SAP130: variants seen among roughly 807,000 people sequenced by gnomAD.
SAP130 encodes Sin3A associated protein 130.
Under a neutral mutation model 103.2 loss-of-function variants are expected in SAP130, and 16 were observed. That is an observed-to-expected ratio of 0.16 (90% CI 0.10 to 0.24). SAP130 has a LOEUF of 0.24. SAP130 is among the 10% of genes least tolerant of loss of function. The pLI, the probability that SAP130 is intolerant of heterozygous loss-of-function variation, is 1.00. For synonymous variants in SAP130, 477 were observed against 497.0 expected, an observed-to-expected ratio of 0.96 and a Z score of 0.53; for missense variants, 990 against 1,359.7, an observed-to-expected ratio of 0.73 and a Z score of 4.28.
rs1021572874 is a variant in SAP130 at position 127,964,569 on chromosome 2, T to C, written c.2064-9225A>G. On this transcript the variant is annotated intron_variant, in intron 15 of 20. Coordinates refer to ENST00000643581, the MANE Select transcript of SAP130 (RefSeq NM_001330301.2). The stretch of plus-strand genomic sequence containing the variant: ...GCATTATACAGCAGAATCAGTGGGC[T>C]GCAATGAAAGCATTATTTAGAAGAA... Among the ~76,000 whole-genome samples the C allele has an allele frequency of 8.0e-5, 12 of 150,364 alleles. No individual in the cohort carries two copies. In the South Asian group the frequency reaches 2.5e-3, roughly 31 times the overall value.
At chr2:127,984,727 C>T (rs1183491381) in intron 14 of SAP130, among the ~76,000 whole-genome samples, 3 of 152,148 alleles carry the variant, frequency 2.0e-5, no homozygotes, top group Admixed American at 1.3e-4. Context: ...CACACACACA[C>T]GGTGAGTCAC....
intron 14 of SAP130, among the ~76,000 whole-genome samples, chr2:127,979,004 T>C (rs1681670965): frequency 6.6e-6 from 1 of 152,160 alleles, no homozygotes; most frequent in Non-Finnish European, 1.5e-5. Flanking sequence ...AATGTGACCT[T>C]ACTTGAAAAA....
chr2:127,998,395 A>T (rs1274531407), intron 10 of SAP130, among the ~76,000 whole-genome samples: 1 of 152,208 alleles, frequency 6.6e-6, no homozygotes, highest in Non-Finnish European at 1.5e-5. Context: ...TCCTAATAAG[A>T]ATAGCTGAAT....
intron 4 of SAP130, 134 bp from the exon 5 acceptor site, chr2:128,015,048 A>G (rs765209675): frequency 1.7e-5 from 11 of 649,538 alleles, no homozygotes; most frequent in Non-Finnish European, 2.7e-5. Context: ...GGCTAAGGAC[A>G]TTCAGCTTGA....
intron 7 of SAP130, among the ~76,000 whole-genome samples, chr2:128,008,910 C>T (rs545915888): frequency 9.9e-5 from 15 of 152,158 alleles, no homozygotes; most frequent in Middle Eastern, 3.4e-3. Context: ...GTCTCAAACT[C>T]CTGGACTCCG....
At chr2:128,022,094 C>G (rs774645409) in intron 2 of SAP130, among the ~76,000 whole-genome samples, 1 of 152,196 alleles carries the variant, frequency 6.6e-6, no homozygotes, top group African/African-American at 2.4e-5. Context: ...TTCATTCACA[C>G]CCCTTTGCAG....
intron 6 of SAP130, among the ~76,000 whole-genome samples, chr2:128,011,045 C>T (rs955850695): frequency 8.6e-5 from 13 of 151,738 alleles, no homozygotes; most frequent in African/African-American, 2.9e-4. Flanking sequence ...ACTATTGGTA[C>T]CAATGGGATC....
chr2:128,008,872 A>G (rs1318866723), intron 7 of SAP130, among the ~76,000 whole-genome samples: 1 of 151,852 alleles, frequency 6.6e-6, no homozygotes, highest in Non-Finnish European at 1.5e-5. Context: ...TTTTAAAGAG[A>G]TGGGGTCTCC....
chr2:127,957,463 C>G (rs565790224), intron 15 of SAP130, among the ~76,000 whole-genome samples: 1 of 152,024 alleles, frequency 6.6e-6, no homozygotes, highest in Admixed American at 6.6e-5. Flanking sequence ...TCGCTTGAGC[C>G]CAGGAATTTG....
intron 15 of SAP130, among the ~76,000 whole-genome samples, chr2:127,968,844 GTT>G (rs1281850073): frequency 3.3e-5 from 5 of 152,230 alleles, no homozygotes; most frequent in African/African-American, 9.6e-5. Context: ...TATGACTAAC[GTT>G]TTCTCCATTA....
Position 127,993,296 on chromosome 2 carries a change from G to A in SAP130, c.1368C>T (p.Pro456=), listed in dbSNP as rs757818874. The change falls in exon 12 of 21, where the codon CCC becomes CCT. Residue 456 remains proline (P), a synonymous_variant. Coordinates refer to ENST00000643581, the MANE Select transcript of SAP130 (RefSeq NM_001330301.2). ...TTGGCAAAAAATATTGGAACTGAAC[G>A]GGAACAGACGGTCTAGAGACAGAAC... ...ETRSDNRPSV[P]VQFQYFLPTY... 12 of 1,612,380 alleles carry A rather than the reference G, an allele frequency of 7.4e-6. No individual in the cohort carries two copies. Among genetic ancestry groups the A allele is most frequent in the East Asian group, 2.2e-5 (1 of 44,846 alleles).
chr2:127,993,976 T>C (rs1490381650), intron 11 of SAP130, among the ~76,000 whole-genome samples: 2 of 152,066 alleles, frequency 1.3e-5, no homozygotes, highest in Admixed American at 1.3e-4. Flanking sequence ...AACAGGAGAA[T>C]ATGACAAAAG....
chr2:127,942,694 A>G lies in SAP130; in HGVS notation c.2902-157T>C, dbSNP rs1203646940. On this transcript the variant is annotated intron_variant, in intron 19 of 20. Transcript: ENST00000643581. The surrounding 1 kb of genome is among the most constrained non-coding windows in gnomAD (Gnocchi z 4.8). ...CTAAGGACTAAGATACTAAGGTTTA[A>G]AAACAGTAAAGGGGCTGGGCGCGGT... Among the ~76,000 whole-genome samples, 1 of 152,368 alleles carries G rather than the reference A, an allele frequency of 6.6e-6. No individual in the cohort carries two copies. Among genetic ancestry groups the G allele is most frequent in the Non-Finnish European group, 1.5e-5 (1 of 68,038 alleles).
intron 16 of SAP130, 85 bp from the exon 17 acceptor site, chr2:127,950,493 T>G (rs901924799): frequency 4.1e-5 from 60 of 1,456,986 alleles, no homozygotes; most frequent in Non-Finnish European, 5.5e-5. Context: ...CAAAGATGAT[T>G]AAGAAGACAG....
rs1363687646 is a variant in SAP130 at position 127,989,450 on chromosome 2, G to A, written c.1780+114C>T. 1.5e-5 allele frequency: 14 copies of A among 949,402 alleles called. No homozygotes were observed. Among genetic ancestry groups the A allele is most frequent in the Non-Finnish European group, 1.9e-5 (12 of 643,560 alleles). The allele number at this position is 949,402 out of a possible 1,614,324, so 58.8% of individuals were successfully genotyped here. On this transcript the variant is annotated intron_variant, in intron 13 of 20. Coordinates refer to ENST00000643581, the MANE Select transcript of SAP130 (RefSeq NM_001330301.2). This position sits in a 1 kb window ranked among gnomAD's most constrained non-coding sequence, Gnocchi z 4.6. ...AAGCAACTCATATTATTAATACAAA[G>A]AAGAAAAGGCCTAGAGAAATTATAA...
At chr2:128,009,777 T>G (rs1050357159) in intron 7 of SAP130, among the ~76,000 whole-genome samples, 1 of 152,206 alleles carries the variant, frequency 6.6e-6, no homozygotes, top group Non-Finnish European at 1.5e-5. Context: ...CACCTTGGCC[T>G]CACTGGTGGT....
At chr2:128,002,023 C>T (rs533631252) in intron 7 of SAP130, among the ~76,000 whole-genome samples, 5 of 151,942 alleles carry the variant, frequency 3.3e-5, no homozygotes, top group African/African-American at 4.8e-5. Flanking sequence ...ACCTCCCAGG[C>T]AGAGGCAATT....
intron 15 of SAP130, among the ~76,000 whole-genome samples, chr2:127,964,658 TAAAG>T (rs1680512611): frequency 6.7e-6 from 1 of 149,906 alleles, no homozygotes; most frequent in Non-Finnish European, 1.5e-5. Context: ...CAAAAAAAAA[TAAAG>T]GAAACAATAA....
Position 127,941,830 on chromosome 2 carries a change from C to T in SAP130, c.*176G>A. On this transcript the variant is annotated 3_prime_UTR_variant, in exon 21 of 21. Transcript: ENST00000643581. ...ACGCAAGAAGGCAGCTCACTATGTC[C>T]AGTCAGCTCTGATCCTTTCACGCCC... is the stretch of plus-strand genomic sequence containing the variant. 2 of 610,584 alleles carry T rather than the reference C, an allele frequency of 3.3e-6. No individual in the cohort carries two copies. The highest frequency in any genetic ancestry group is 5.6e-6 in the Non-Finnish European group (2 of 355,878). The allele number at this position is 610,584 out of a possible 1,614,324, so 37.8% of individuals were successfully genotyped here. A position where few individuals can be genotyped will look rare whatever the true frequency, so the allele number is the denominator to read the frequency against.
Sources: allele counts gnomAD v4.1 joint callset (sites outside exome capture counted in the v4.1 genomes callset), GRCh38; gene constraint gnomAD v4.1.1; non-coding constraint Gnocchi (gnomAD v3.1); transcripts MANE v1.5; gene names NCBI Gene and HGNC (gene_info 2026-07-23, HGNC 2026-07-21).